The following FSIP1 variants were observed in gnomAD, a reference collection of about 807,000 sequenced individuals.
FSIP1 encodes fibrous sheath interacting protein 1.
A neutral mutation model predicts 60.9 loss-of-function variants in FSIP1; 65 were observed. That is an observed-to-expected ratio of 1.07 (90% CI 0.87 to 1.31). The LOEUF (loss-of-function observed/expected upper bound fraction) is 1.31. Among genes scored for constraint, FSIP1 ranks in the 40% most tolerant of loss-of-function variants. The probability of loss-of-function intolerance (pLI) is 0.00; values close to 1 mark genes in which losing one functional copy is unlikely to be tolerated. For synonymous variants in FSIP1, 209 were observed against 221.2 expected, an observed-to-expected ratio of 0.94 and a Z score of 0.49; for missense variants, 675 against 665.5, an observed-to-expected ratio of 1.01 and a Z score of -0.16.
chr15:39,712,714 G>A (rs977462379), intron 10 of FSIP1, among the ~76,000 whole-genome samples: 5 of 152,192 alleles, frequency 3.3e-5, no homozygotes, highest in Non-Finnish European at 7.3e-5. Context: ...GAAAATCATA[G>A]TATGACAGAG....
chr15:39,613,560 C>A (rs1891111132), intron 11 of FSIP1, among the ~76,000 whole-genome samples: 1 of 152,162 alleles, frequency 6.6e-6, no homozygotes, highest in African/African-American at 2.4e-5. Context: ...TTCTCAAACT[C>A]TTCCAAAAAA....
At chr15:39,712,487 G>A (rs1364807501) in intron 10 of FSIP1, among the ~76,000 whole-genome samples, 2 of 152,114 alleles carry the variant, frequency 1.3e-5, no homozygotes, top group East Asian at 3.8e-4. Flanking sequence ...AAGATTTTGA[G>A]TCTTAAGAAA....
rs781108507 is a variant in FSIP1 at position 39,719,612 on chromosome 15, A to C, written c.1051-6031T>G. 2.4e-4 allele frequency among the ~76,000 whole-genome samples: 37 copies of C among 152,344 alleles called. 1 individual carries two copies. In the Middle Eastern group the frequency reaches 0.01, roughly 42 times the overall value. On this transcript the variant is annotated intron_variant, in intron 9 of 11. Coordinates refer to ENST00000350221, the MANE Select transcript of FSIP1 (RefSeq NM_152597.5). Reference sequence around the variant, plus strand: ...CATGCGTTAGGATTGGGAAAATACAAACCTGCCTAAATAAAGACAGCTTGT... The same window carrying C: ...CATGCGTTAGGATTGGGAAAATACACACCTGCCTAAATAAAGACAGCTTGT...
chr15:39,604,164 C>T (rs1439968812), intron 11 of FSIP1, among the ~76,000 whole-genome samples: 2 of 152,254 alleles, frequency 1.3e-5, no homozygotes, highest in African/African-American at 4.8e-5. Flanking sequence ...CTCCCAACCT[C>T]TGGTGATCTG....
chr15:39,646,552 G>T (rs1215583288), intron 10 of FSIP1, among the ~76,000 whole-genome samples: 2 of 113,984 alleles, frequency 1.8e-5, no homozygotes, highest in East Asian at 7.0e-4. Flanking sequence ...AAAAAAGGCT[G>T]CGTTTGGTGA....
At chr15:39,757,205 T>C (rs993010826) in intron 5 of FSIP1, among the ~76,000 whole-genome samples, 4 of 152,084 alleles carry the variant, frequency 2.6e-5, no homozygotes, top group African/African-American at 9.7e-5. Context: ...CTATATATGA[T>C]TGATTAAAAT....
chr15:39,723,961 C>G (rs73395254), intron 9 of FSIP1, among the ~76,000 whole-genome samples: 1 of 152,192 alleles, frequency 6.6e-6, no homozygotes, highest in East Asian at 1.9e-4. Context: ...GGAAATTGAA[C>G]AAAAGCTCAA....
Position 39,768,637 on chromosome 15 carries a change from C to A in FSIP1, c.310+1790G>T, listed in dbSNP as rs73397108. 6.2e-3 allele frequency among the ~76,000 whole-genome samples: 938 copies of A among 152,244 alleles called. 11 individuals are homozygous for A. Among genetic ancestry groups the A allele is most frequent in the African/African-American group, 0.021 (882 of 41,542 alleles). ...ATCCTATTGTAATCTGTTGTTTTGG[C>A]TAAAGTATATGCAGAAAATTTGGCC... On this transcript the variant is annotated intron_variant, in intron 3 of 11. Coordinates refer to ENST00000350221, the MANE Select transcript of FSIP1 (RefSeq NM_152597.5).
chr15:39,615,414 CAAA>C (rs576946264), intron 11 of FSIP1, among the ~76,000 whole-genome samples: 1 of 51,714 alleles, frequency 1.9e-5, no homozygotes. Flanking sequence ...AACTCAATAG[CAAA>C]AAAAAAAAAA....
intron 10 of FSIP1, among the ~76,000 whole-genome samples, chr15:39,681,598 T>C (rs988696781): frequency 2.0e-5 from 3 of 152,180 alleles, no homozygotes; most frequent in African/African-American, 4.8e-5. Flanking sequence ...TTTCCAACTA[T>C]ATTATTCCAA....
rs923711123 is a variant in FSIP1, at chr15:39,664,532, G to T, written c.1189-46287C>A. Among the ~76,000 whole-genome samples, 3 of 152,032 alleles carry T rather than the reference G, an allele frequency of 2.0e-5. No individual in the cohort carries two copies. In the East Asian group the frequency reaches 5.8e-4, roughly 29 times the overall value. ...ATAGAGAAAAATCACATAAGCAAGCGAATGTATTTTATTTTAGATTCATTA... is the reference window on the plus strand; with the variant it reads ...ATAGAGAAAAATCACATAAGCAAGCTAATGTATTTTATTTTAGATTCATTA... On this transcript the variant is annotated intron_variant, in intron 10 of 11. Transcript: ENST00000350221.
chr15:39,771,671 T>C lies in FSIP1; in HGVS notation c.127-1061A>G, dbSNP rs533362779. Among the ~76,000 whole-genome samples the C allele has an allele frequency of 2.0e-4, 31 of 152,300 alleles. No individual in the cohort carries two copies. In the South Asian group the frequency reaches 5.8e-3, roughly 28 times the overall value. ...CCCTATGGTGTAAGTTTCTCTACCATGAATTAACAGAGAAGAAAACAGACC... is the reference window on the plus strand; with the variant it reads ...CCCTATGGTGTAAGTTTCTCTACCACGAATTAACAGAGAAGAAAACAGACC... On this transcript the variant is annotated intron_variant, in intron 2 of 11. Transcript: ENST00000350221.
rs181884119 is a variant in FSIP1, at chr15:39,675,271, T to G, written c.1188+38173A>C. On this transcript the variant is annotated intron_variant, in intron 10 of 11. Coordinates refer to ENST00000350221, the MANE Select transcript of FSIP1 (RefSeq NM_152597.5). Reference sequence around the variant, plus strand: ...TACTTTGGAAGGCATTATTGCATTATCTTATAACATTCAGATACTCTATAT... The same window carrying G: ...TACTTTGGAAGGCATTATTGCATTAGCTTATAACATTCAGATACTCTATAT... 3.8e-3 allele frequency among the ~76,000 whole-genome samples: 580 copies of G among 152,350 alleles called. 4 individuals are homozygous for G. Among genetic ancestry groups the G allele is most frequent in the African/African-American group, 0.013 (555 of 41,590 alleles).
chr15:39,750,253 T>C (rs1250155418), intron 5 of FSIP1, among the ~76,000 whole-genome samples: 1 of 151,676 alleles, frequency 6.6e-6, no homozygotes, highest in Non-Finnish European at 1.5e-5. Context: ...GCAACCACTA[T>C]CAAAATCCCA....
intron 10 of FSIP1, among the ~76,000 whole-genome samples, chr15:39,670,601 T>C (rs56299179): frequency 6.6e-6 from 1 of 152,202 alleles, no homozygotes; most frequent in African/African-American, 2.4e-5. Flanking sequence ...AAAAGAATAC[T>C]GAAGAAAGGT....
chr15:39,694,749 G>A (rs747495882), intron 10 of FSIP1, among the ~76,000 whole-genome samples: 9 of 151,400 alleles, frequency 5.9e-5, no homozygotes, highest in African/African-American at 2.4e-5. Flanking sequence ...GCAGTGAGCC[G>A]AGATCACGCC....
In FSIP1 at chr15:39,714,972, CAA is replaced by C. The variant is rs34491210; in HGVS notation, c.1051-1393_1051-1392del. On this transcript the variant is annotated intron_variant, in intron 9 of 11. Transcript: ENST00000350221. Reference sequence around the variant, plus strand: ...TGGGCAACAGAATGAGACTCTGTCTCAAAAAAAAAAAAAAAAAAAAGGACTAA... The same window carrying C: ...TGGGCAACAGAATGAGACTCTGTCTCAAAAAAAAAAAAAAAAAAGGACTAA... 8.0e-3 allele frequency among the ~76,000 whole-genome samples: 716 copies of C among 89,540 alleles called. 5 individuals are homozygous for C. The highest frequency in any genetic ancestry group is 0.03 in the African/African-American group (672 of 22,044). The allele number at this position is 89,540 out of a possible 152,430, so 58.7% of individuals were successfully genotyped here.
At chr15:39,773,524 C>A (rs1014745906) in intron 2 of FSIP1, among the ~76,000 whole-genome samples, 1 of 152,156 alleles carries the variant, frequency 6.6e-6, no homozygotes, top group Admixed American at 6.5e-5. Flanking sequence ...TAATATTAAT[C>A]TGTGTATTAA....
intron 5 of FSIP1, among the ~76,000 whole-genome samples, chr15:39,756,217 A>G (rs1438337677): frequency 6.6e-6 from 1 of 152,134 alleles, no homozygotes; most frequent in Non-Finnish European, 1.5e-5. Context: ...ATAAAAGTAA[A>G]TGCACTATCC....
Sources: allele counts gnomAD v4.1 joint callset (sites outside exome capture counted in the v4.1 genomes callset), GRCh38; gene constraint gnomAD v4.1.1; transcripts MANE v1.5; gene names NCBI Gene and HGNC (gene_info 2026-07-23, HGNC 2026-07-21).